Variants in MEF2D observed in about 807,000 individuals in gnomAD.
The protein encoded by MEF2D is myocyte-specific enhancer factor 2D.
Under a neutral mutation model 59.3 loss-of-function variants are expected in MEF2D, and 10 were observed. The ratio of observed to expected loss-of-function variants is 0.17; its 90% CI spans 0.10 to 0.29. MEF2D has a LOEUF of 0.29. MEF2D is among the 10% of genes least tolerant of loss of function. The probability of loss-of-function intolerance (pLI) is 1.00; values close to 1 mark genes in which losing one functional copy is unlikely to be tolerated. For missense variants in MEF2D, 508 were observed against 699.4 expected (o/e 0.73, Z 3.09); for synonymous variants, 305 against 295.0 (o/e 1.03, Z -0.35).
chr1:156,477,976 G>A (rs1042647313), intron 6 of MEF2D, among the ~76,000 whole-genome samples: 3 of 152,238 alleles, frequency 2.0e-5, no homozygotes, highest in Admixed American at 6.5e-5. Flanking sequence ...CATTAACTCT[G>A]CAAGACAGAC....
At chr1:156,481,073 C>T (rs570619457) in intron 3 of MEF2D, 102 bp from the exon 4 acceptor site, 2 of 1,531,460 alleles carry the variant, frequency 1.3e-6, no homozygotes, top group Admixed American at 1.8e-5. Flanking sequence ...TCTTCCCCGA[C>T]CTCCTTCTTC....
intron 1 of MEF2D, among the ~76,000 whole-genome samples, chr1:156,494,095 T>G (rs999354476): frequency 1.3e-4 from 20 of 152,088 alleles, no homozygotes; most frequent in African/African-American, 4.8e-4. Context: ...CATCCCATCC[T>G]CCTGGTCTAC....
At chr1:156,494,438 A>T in intron 1 of MEF2D, among the ~76,000 whole-genome samples, 1 of 152,098 alleles carries the variant, frequency 6.6e-6, no homozygotes, top group Non-Finnish European at 1.5e-5. Flanking sequence ...TCGTGGGGCT[A>T]AGTGTGGAGG....
chr1:156,476,147 C>T (rs547606502), intron 8 of MEF2D, among the ~76,000 whole-genome samples: 1 of 152,348 alleles, frequency 6.6e-6, no homozygotes, highest in Admixed American at 6.5e-5. Flanking sequence ...GCCCCCTAGT[C>T]CAGGGCCTAG....
At chr1:156,483,680 T>A (rs987600333) in intron 1 of MEF2D, among the ~76,000 whole-genome samples, 1 of 152,220 alleles carries the variant, frequency 6.6e-6, no homozygotes, top group African/African-American at 2.4e-5. Context: ...ACAGAGTAAA[T>A]GGACCTCCTG....
chr1:156,492,467 C>T (rs1278075944), intron 1 of MEF2D, among the ~76,000 whole-genome samples: 1 of 152,194 alleles, frequency 6.6e-6, no homozygotes, highest in African/African-American at 2.4e-5. Context: ...CTGCAGACAA[C>T]CAATCTCCTA....
chr1:156,476,703 T>C (rs746957787), intron 7 of MEF2D, among the ~76,000 whole-genome samples, 189 bp from the exon 8 acceptor site: 4 of 152,166 alleles, frequency 2.6e-5, no homozygotes, highest in African/African-American at 4.8e-5. Context: ...TCTCCACCAG[T>C]GAGGAAATGC....
At chr1:156,479,397 G>A (rs1206784087) in intron 5 of MEF2D, 51 bp from the exon 6 acceptor site, 8 of 1,586,608 alleles carry the variant, frequency 5.0e-6, no homozygotes, top group African/African-American at 1.4e-5. Flanking sequence ...CGCTTCAAGA[G>A]TGAGTCTTGG....
At chr1:156,482,346 A>T (rs1330555350) in intron 3 of MEF2D, 91 bp downstream of exon 3, 2 of 1,339,226 alleles carry the variant, frequency 1.5e-6, no homozygotes, top group East Asian at 4.6e-5. Flanking sequence ...GTGTGTGTGC[A>T]TAGGCAGGTC....
intron 1 of MEF2D, among the ~76,000 whole-genome samples, chr1:156,492,639 C>T (rs1262445037): frequency 1.3e-5 from 2 of 152,192 alleles, no homozygotes; most frequent in African/African-American, 4.8e-5. Flanking sequence ...TTACCTAACC[C>T]AATTTGGTCA....
chr1:156,500,167 G>A (rs985114720), intron 1 of MEF2D, among the ~76,000 whole-genome samples: 6 of 152,076 alleles, frequency 3.9e-5, no homozygotes, highest in Admixed American at 6.5e-5. Context: ...CCGCTCGGAG[G>A]CCGTCGTAAA....
chr1:156,496,024 C>T (rs555784920), intron 1 of MEF2D, among the ~76,000 whole-genome samples: 2 of 152,342 alleles, frequency 1.3e-5, no homozygotes, highest in East Asian at 1.9e-4. Context: ...AAGTGCCTCC[C>T]GCCCCCTTGG....
intron 1 of MEF2D, among the ~76,000 whole-genome samples, chr1:156,490,249 G>T (rs1037836867): frequency 6.6e-6 from 1 of 151,872 alleles, no homozygotes; most frequent in South Asian, 2.1e-4. Flanking sequence ...TCCTTCTCAT[G>T]CTCCGTTCCC....
At position 156,468,731 on chromosome 1, in the gene MEF2D, T is replaced by G. The variant is rs1209529756; in HGVS notation, c.1247+49A>C. ...TCCCAAGAGGTCCCTCCTCTTCCCG[T>G]TCAATTCTCCCTTCCCACACACTCA... is the stretch of plus-strand genomic sequence containing the variant. On this transcript the variant is annotated intron_variant, in intron 10 of 11. Transcript: ENST00000348159. The surrounding 1 kb of genome is among the most constrained non-coding windows in gnomAD (Gnocchi z 4.3). 1 of 1,584,326 alleles carries G rather than the reference T, an allele frequency of 6.3e-7. No individual in the cohort carries two copies. The highest frequency in any genetic ancestry group is 1.1e-5 in the South Asian group (1 of 88,088).
At chr1:156,487,266 G>A (rs149187406) in intron 1 of MEF2D, among the ~76,000 whole-genome samples, 35 of 152,304 alleles carry the variant, frequency 2.3e-4, no homozygotes, top group African/African-American at 7.9e-4. Context: ...ACTGAGCATC[G>A]TCTGACAGAG....
rs139659351 is a variant in MEF2D, at chr1:156,494,275, C to T, written c.-139+6211G>A. ...CAAGCCCCACTCTCCTCACTCCACC[C>T]GCCTGCCGTGCATTTCTACTTGAAA... On this transcript the variant is annotated intron_variant, in intron 1 of 11. Transcript: ENST00000348159. Among the ~76,000 whole-genome samples the T allele has an allele frequency of 7.0e-3, 1,070 of 152,152 alleles. 12 individuals are homozygous for T. The highest frequency in any genetic ancestry group is 0.024 in the African/African-American group (984 of 41,492).
intron 11 of MEF2D, 22 bp downstream of exon 11, chr1:156,467,971 A>G (rs780572245): frequency 1.3e-6 from 2 of 1,597,324 alleles, no homozygotes; most frequent in Non-Finnish European, 1.7e-6. Context: ...ACTGGCAGAC[A>G]GGAGAGGTGA....
rs995796738 is a variant in MEF2D, at chr1:156,467,537, C to T, written c.*108G>A. ...GTAACCGTCAACAGGACACGAAGCA[C>T]AAGAAAGGAAGTGGGGGTCGAGCGG... On this transcript the variant is annotated 3_prime_UTR_variant, in exon 12 of 12. Coordinates refer to ENST00000348159, the MANE Select transcript of MEF2D (RefSeq NM_005920.4). 2.7e-6 allele frequency: 2 copies of T among 733,180 alleles called. No homozygotes were observed. The highest frequency in any genetic ancestry group is 3.6e-5 in the African/African-American group (2 of 55,192). The allele number at this position is 733,180 out of a possible 1,614,324, so 45.4% of individuals were successfully genotyped here. A position where few individuals can be genotyped will look rare whatever the true frequency, so the allele number is the denominator to read the frequency against.
Position 156,467,560 on chromosome 1 carries a change from C to G in MEF2D, c.*85G>C. 1 of 1,138,064 alleles carries G rather than the reference C, an allele frequency of 8.8e-7. No individual in the cohort carries two copies. Among genetic ancestry groups the G allele is most frequent in the Non-Finnish European group, 1.2e-6 (1 of 862,428 alleles). 70.5% of individuals were successfully genotyped at this position (1,138,064 alleles called of 1,614,324 possible). ...CACAAGAAAGGAAGTGGGGGTCGAG[C>G]GGGAGGAGCCCGGGGCAGGGAAGGG... On this transcript the variant is annotated 3_prime_UTR_variant, in exon 12 of 12. Coordinates refer to ENST00000348159, the MANE Select transcript of MEF2D (RefSeq NM_005920.4).
Sources: allele counts gnomAD v4.1 joint callset (sites outside exome capture counted in the v4.1 genomes callset), GRCh38; gene constraint gnomAD v4.1.1; non-coding constraint Gnocchi (gnomAD v3.1); transcripts MANE v1.5; gene names NCBI Gene and HGNC (gene_info 2026-07-23, HGNC 2026-07-21).